The following TBC1D12 variants were observed in gnomAD, a reference collection of about 807,000 sequenced individuals.
The protein encoded by TBC1D12 is TBC1 domain family, member 12.
A neutral mutation model predicts 86.7 loss-of-function variants in TBC1D12; 56 were observed. The ratio of observed to expected loss-of-function variants is 0.65; its 90% confidence interval spans 0.52 to 0.81. TBC1D12 has a LOEUF of 0.81. Ranked by LOEUF, TBC1D12 falls within the 30% of genes least tolerant of loss-of-function variation. The probability of loss-of-function intolerance (pLI) is 0.00; values close to 1 mark genes in which losing one functional copy is unlikely to be tolerated. For synonymous variants in TBC1D12, 421 were observed against 411.7 expected (o/e 1.02, Z -0.27); for missense variants, 1,023 against 1,038.8 (o/e 0.98, Z 0.21).
intron 2 of TBC1D12, among the ~76,000 whole-genome samples, chr10:94,461,418 C>T (rs980331831): frequency 6.6e-6 from 1 of 152,080 alleles, no homozygotes; most frequent in Non-Finnish European, 1.5e-5. Context: ...AAAAGTTTCT[C>T]CTGAGGGCAG....
At chr10:94,490,713 T>C (rs1264274706) in intron 3 of TBC1D12, among the ~76,000 whole-genome samples, 1 of 152,218 alleles carries the variant, frequency 6.6e-6, no homozygotes, top group Non-Finnish European at 1.5e-5. Flanking sequence ...CTAATCTTTG[T>C]TGGAGTGGTT....
At chr10:94,523,091 G>A (rs181139181) in intron 11 of TBC1D12, among the ~76,000 whole-genome samples, 30 of 144,020 alleles carry the variant, frequency 2.1e-4, no homozygotes, top group African/African-American at 6.4e-4. Flanking sequence ...GTCGCTGTAG[G>A]CTGCAGCAGG....
At chr10:94,501,091 TG>T (rs1435601481) in intron 6 of TBC1D12, among the ~76,000 whole-genome samples, 6 of 145,502 alleles carry the variant, frequency 4.1e-5, no homozygotes, top group South Asian at 4.6e-4. Flanking sequence ...AATGAATGAA[TG>T]AATGAATAAA....
chr10:94,402,762 A>C lies in TBC1D12; in HGVS notation c.149A>C (p.Glu50Ala), dbSNP rs1197749473. The change falls in exon 1 of 13, where the codon GAG becomes GCG. Residue 50 changes from glutamate to alanine, a missense_variant. By Grantham distance (107) the Glu-to-Ala change is moderately radical. Transcript: ENST00000225235. ...GGGVGAVEPP[E>A]EADEEEEADE... is the part of the protein sequence containing the mutation. ...GGCGTCGGCGCTGTGGAGCCGCCGGAGGAGGCTGACGAGGAGGAGGAGGCT... is the reference window on the plus strand; with the variant it reads ...GGCGTCGGCGCTGTGGAGCCGCCGGCGGAGGCTGACGAGGAGGAGGAGGCT... The C allele has an allele frequency of 1.3e-6, 2 of 1,531,370 alleles. No homozygotes were observed. The highest frequency in any genetic ancestry group is 1.9e-4 in the Middle Eastern group (1 of 5,382). The allele number at this position is 1,531,370 out of a possible 1,614,324, so 94.9% of individuals were successfully genotyped here.
rs560957846 is a variant in TBC1D12, at chr10:94,536,255, A to G, written c.*3159A>G. Among the ~76,000 whole-genome samples, 2 of 151,966 alleles carry G rather than the reference A, an allele frequency of 1.3e-5. No individual in the cohort carries two copies. Among genetic ancestry groups the G allele is most frequent in the Non-Finnish European group, 2.9e-5 (2 of 67,954 alleles). ...AATGTGAAATTTAATATGGTGTTTC[A>G]TTTGTTTGTCTACTCAATATATATA... On this transcript the variant is annotated 3_prime_UTR_variant, in exon 13 of 13. Coordinates refer to ENST00000225235, the MANE Select transcript of TBC1D12 (RefSeq NM_015188.2).
intron 3 of TBC1D12, among the ~76,000 whole-genome samples, chr10:94,481,873 C>A (rs1197860863): frequency 6.6e-6 from 1 of 151,936 alleles, no homozygotes; most frequent in Non-Finnish European, 1.5e-5. Context: ...TACTTTGATA[C>A]AGGCATGCAA....
intron 9 of TBC1D12, among the ~76,000 whole-genome samples, chr10:94,513,104 G>A (rs2056545560): frequency 1.3e-5 from 2 of 152,052 alleles, no homozygotes; most frequent in African/African-American, 2.4e-5. Context: ...AAAATTAGCT[G>A]GGCATGGTGG....
In TBC1D12 at chr10:94,507,357, C is replaced by A. The variant is rs976878888; in HGVS notation, c.1600+10C>A. 5.7e-6 allele frequency: 9 copies of A among 1,584,854 alleles called. No homozygotes were observed. The highest frequency in any genetic ancestry group is 1.2e-5 in the South Asian group (1 of 84,856). On this transcript the variant is annotated intron_variant, in intron 7 of 12. Coordinates refer to ENST00000225235, the MANE Select transcript of TBC1D12 (RefSeq NM_015188.2). ...GAGAATGATACAGAAGGTGTGATTT[C>A]TTTTTTTAAATAAGAATTTTAGGAT...
At chr10:94,529,977 G>A (rs1474723917) in intron 11 of TBC1D12, among the ~76,000 whole-genome samples, 2 of 152,196 alleles carry the variant, frequency 1.3e-5, no homozygotes, top group African/African-American at 2.4e-5. Context: ...TTAAGAGATA[G>A]GGATGGACTT....
At chr10:94,500,451 C>T in intron 6 of TBC1D12, 124 bp downstream of exon 6, 1 of 611,586 alleles carries the variant, frequency 1.6e-6, no homozygotes. Context: ...ATTTTAAAAG[C>T]ATGCTTCATC....
intron 3 of TBC1D12, among the ~76,000 whole-genome samples, chr10:94,482,571 C>T (rs551544214): frequency 6.6e-6 from 1 of 152,128 alleles, no homozygotes; most frequent in African/African-American, 2.4e-5. Context: ...CTGCCTCAGC[C>T]TCCCGAGTAG....
chr10:94,440,902 T>C (rs1452300869), intron 1 of TBC1D12, among the ~76,000 whole-genome samples: 1 of 152,086 alleles, frequency 6.6e-6, no homozygotes, highest in African/African-American at 2.4e-5. Flanking sequence ...TGACGCGGAG[T>C]GCAATGAGGC....
chr10:94,529,445 G>C lies in TBC1D12; in HGVS notation c.2001-1757G>C, dbSNP rs903061722. The stretch of plus-strand genomic sequence containing the variant: ...ACCAGCCTGACCAACATGGAGAAAC[G>C]CCGTCTCTACTAAAAATACAAAATT... On this transcript the variant is annotated intron_variant, in intron 11 of 12. Coordinates refer to ENST00000225235, the MANE Select transcript of TBC1D12 (RefSeq NM_015188.2). Among the ~76,000 whole-genome samples the C allele has an allele frequency of 2.0e-5, 3 of 152,176 alleles. No individual in the cohort carries two copies. The South Asian group carries it at 6.2e-4, about 32-fold the overall frequency.
At chr10:94,499,244 A>G (rs75600636) in intron 5 of TBC1D12, among the ~76,000 whole-genome samples, 3,340 of 152,300 alleles carry the variant, frequency 0.022, 125 homozygotes, top group African/African-American at 0.074. Flanking sequence ...CATTCTATGT[A>G]ATAGGTCACT....
At chr10:94,500,128 C>A in intron 5 of TBC1D12, 93 bp from the exon 6 acceptor site, 1 of 1,091,454 alleles carries the variant, frequency 9.2e-7, no homozygotes, top group South Asian at 1.6e-5. Context: ...ATGATTTGAT[C>A]ACTTGGCCAT....
intron 8 of TBC1D12, 22 bp downstream of exon 8, chr10:94,510,201 G>A (rs201385326): frequency 6.7e-7 from 1 of 1,496,566 alleles, no homozygotes; most frequent in Non-Finnish European, 9.0e-7. Context: ...TAACCAGCTT[G>A]TAATTACTTA....
intron 1 of TBC1D12, among the ~76,000 whole-genome samples, chr10:94,408,048 CATAG>C (rs374546962): frequency 1.1e-4 from 17 of 152,292 alleles, no homozygotes; most frequent in South Asian, 8.3e-4. Flanking sequence ...TTATTTTTTA[CATAG>C]ATAGACTCTT....
chr10:94,521,885 G>C (rs1230366518), intron 9 of TBC1D12, 70 bp from the exon 10 acceptor site: 28 of 1,328,876 alleles, frequency 2.1e-5, no homozygotes, highest in Non-Finnish European at 2.6e-5. Flanking sequence ...TTTTTCAGGA[G>C]TACAATAAAA....
intron 3 of TBC1D12, among the ~76,000 whole-genome samples, chr10:94,484,338 C>T (rs2056127704): frequency 6.6e-6 from 1 of 151,324 alleles, no homozygotes; most frequent in Non-Finnish European, 1.5e-5. Flanking sequence ...ACCTCCACCT[C>T]CTGGGTTCAA....
Sources: allele counts gnomAD v4.1 joint callset (sites outside exome capture counted in the v4.1 genomes callset), GRCh38; gene constraint gnomAD v4.1.1; transcripts MANE v1.5; gene names NCBI Gene and HGNC (gene_info 2026-07-23, HGNC 2026-07-21).